CTNND2: variants seen among roughly 807,000 people sequenced by gnomAD.
The protein encoded by CTNND2 is catenin delta 2.
In CTNND2, 22 loss-of-function variants were observed where a neutral mutation model predicts 144.4. The observed-to-expected ratio is 0.15, with a 90% CI of 0.11 to 0.22. The LOEUF (loss-of-function observed/expected upper bound fraction) is 0.22. Among genes scored for constraint, CTNND2 ranks in the 10% least tolerant of loss-of-function variants. CTNND2 has a pLI of 1.00. For missense variants in CTNND2, 1,353 were observed against 1,618.8 expected (o/e 0.84, Z 2.82); for synonymous variants, 751 against 695.6 (o/e 1.08, Z -1.25).
intron 12 of CTNND2, among the ~76,000 whole-genome samples, chr5:11,141,958 G>A (rs1020366165): frequency 3.9e-5 from 6 of 152,158 alleles, no homozygotes; most frequent in African/African-American, 1.4e-4. Flanking sequence ...TATTGCAAGA[G>A]TGAGTTTGTT....
chr5:11,388,427 T>C (rs1759305411), intron 6 of CTNND2, among the ~76,000 whole-genome samples: 1 of 152,214 alleles, frequency 6.6e-6, no homozygotes, highest in African/African-American at 2.4e-5. Context: ...CAGTACATAC[T>C]TAACTTTAAT....
In CTNND2 at chr5:11,732,168, T is replaced by C. The variant is rs1301368896; in HGVS notation, c.142A>G (p.Thr48Ala). The C allele has an allele frequency of 6.2e-7, 1 of 1,613,478 alleles. No homozygotes were observed. The highest frequency in any genetic ancestry group is 8.5e-7 in the Non-Finnish European group (1 of 1,179,740). Reference sequence around the variant, plus strand: ...TTGACTGAGGCGAGGATGGCAGAGGTGGTTTCTGTTTCAGAGCCATCCCCG... The same window carrying C: ...TTGACTGAGGCGAGGATGGCAGAGGCGGTTTCTGTTTCAGAGCCATCCCCG... ...SNGDGSETET[T>A]SAILASVKEQ... The change falls in exon 2 of 22, where the codon ACC becomes GCC. Residue 48 changes from threonine (T) to alanine (A), a missense_variant. Physicochemically the swap from Thr to Ala is moderately conservative, Grantham distance 58. This residue lies in a region of CTNND2 where 708 missense variants were observed against 706.4 expected (regional missense o/e 1.00). Transcript: ENST00000304623.
chr5:11,136,443 A>G (rs750824058), intron 12 of CTNND2, among the ~76,000 whole-genome samples: 11 of 152,276 alleles, frequency 7.2e-5, no homozygotes, highest in Non-Finnish European at 4.4e-5. Context: ...AAAGGCAAGA[A>G]TGAAAAAAGG....
chr5:11,877,729 ATC>A (rs1735671004), intron 1 of CTNND2, among the ~76,000 whole-genome samples: 1 of 152,038 alleles, frequency 6.6e-6, no homozygotes, highest in Non-Finnish European at 1.5e-5. Context: ...CACCATCATC[ATC>A]ATCATCATCA....
At chr5:11,258,767 G>C (rs1291070115) in intron 9 of CTNND2, among the ~76,000 whole-genome samples, 1 of 152,140 alleles carries the variant, frequency 6.6e-6, no homozygotes, top group African/African-American at 2.4e-5. Context: ...ATTATTAACA[G>C]AACTCCTATG....
chr5:11,867,633 C>CCATT (rs58976660), intron 1 of CTNND2, among the ~76,000 whole-genome samples: 21 of 151,588 alleles, frequency 1.4e-4, no homozygotes, highest in Admixed American at 3.3e-4. Context: ...GATACTGAGA[C>CCATT]CATTCATTCA....
chr5:11,300,801 C>A (rs1005794745), intron 9 of CTNND2, among the ~76,000 whole-genome samples: 1 of 152,108 alleles, frequency 6.6e-6, no homozygotes, highest in Non-Finnish European at 1.5e-5. Flanking sequence ...TTGAGCACCC[C>A]CAGCCTCCAC....
Position 11,345,713 on chromosome 5 carries a change from G to T in CTNND2, c.1628+659C>A, listed in dbSNP as rs1754702439. Among the ~76,000 whole-genome samples the T allele has an allele frequency of 2.0e-5, 3 of 151,096 alleles. No individual in the cohort carries two copies. The South Asian group carries it at 6.3e-4, about 32-fold the overall frequency. ...AATAAAACATCCTTTAACTCTACAG[G>T]GACTCAAATCCAACTTTACAAGCAG... On this transcript the variant is annotated intron_variant, in intron 9 of 21. Transcript: ENST00000304623.
In CTNND2 at chr5:11,541,846, C is replaced by G. The variant is rs878994416; in HGVS notation, c.287+23098G>C. ...CTTATTATTTATTATCGACCCCCCC[C>G]CCCCGGCCAAAAGCCTTTTCCAACT... On this transcript the variant is annotated intron_variant, in intron 3 of 21. Transcript: ENST00000304623. 1.9e-3 allele frequency among the ~76,000 whole-genome samples: 280 copies of G among 145,462 alleles called. 7 individuals are homozygous for G. The highest frequency in any genetic ancestry group is 8.2e-3 in the Admixed American group (121 of 14,784).
At chr5:11,300,699 G>A (rs139224153) in intron 9 of CTNND2, among the ~76,000 whole-genome samples, 29 of 151,374 alleles carry the variant, frequency 1.9e-4, no homozygotes, top group African/African-American at 6.3e-4. Context: ...AAATTTACCC[G>A]TTGTTTATCT....
chr5:11,418,454 CTT>C (rs1438166691), intron 3 of CTNND2, among the ~76,000 whole-genome samples: 1 of 152,068 alleles, frequency 6.6e-6, no homozygotes, highest in Non-Finnish European at 1.5e-5. Flanking sequence ...GAAAAGAGCT[CTT>C]GTTAGAGCAA....
chr5:11,521,256 A>G (rs1772691992), intron 3 of CTNND2, among the ~76,000 whole-genome samples: 1 of 152,202 alleles, frequency 6.6e-6, no homozygotes, highest in African/African-American at 2.4e-5. Context: ...AGCGATCACA[A>G]AGTCAAAAAC....
intron 1 of CTNND2, among the ~76,000 whole-genome samples, chr5:11,879,358 C>CATACAT (rs1560959562): frequency 1.9e-5 from 1 of 51,288 alleles, no homozygotes; most frequent in African/African-American, 6.6e-5. Context: ...TATATATATA[C>CATACAT]ATATACACAC....
At chr5:11,383,085 A>G (rs1758682785) in intron 7 of CTNND2, among the ~76,000 whole-genome samples, 1 of 152,164 alleles carries the variant, frequency 6.6e-6, no homozygotes, top group African/African-American at 2.4e-5. Context: ...CTCGATTGCT[A>G]CTGAAATGAT....
At chr5:11,554,808 G>C (rs575992312) in intron 3 of CTNND2, among the ~76,000 whole-genome samples, 291 of 151,810 alleles carry the variant, frequency 1.9e-3, no homozygotes, top group African/African-American at 6.6e-3. Context: ...TTAACAAGTA[G>C]ATATTTTCAT....
At chr5:11,784,833 A>G (rs187756745) in intron 1 of CTNND2, among the ~76,000 whole-genome samples, 3 of 152,350 alleles carry the variant, frequency 2.0e-5, no homozygotes, top group East Asian at 3.9e-4. Context: ...AGATGAGACC[A>G]CAACTAGTCA....
intron 16 of CTNND2, among the ~76,000 whole-genome samples, chr5:11,028,845 A>C (rs1743147900): frequency 6.6e-6 from 1 of 152,138 alleles, no homozygotes; most frequent in Non-Finnish European, 1.5e-5. Flanking sequence ...AGTAGCTGAG[A>C]TTACAGGTAT....
At chr5:11,407,164 T>C (rs1208050822) in intron 5 of CTNND2, among the ~76,000 whole-genome samples, 1 of 152,198 alleles carries the variant, frequency 6.6e-6, no homozygotes, top group East Asian at 1.9e-4. Context: ...AGTCACATTA[T>C]TCATTATGTA....
intron 9 of CTNND2, among the ~76,000 whole-genome samples, chr5:11,262,134 G>T (rs1179275811): frequency 6.6e-6 from 1 of 152,136 alleles, no homozygotes; most frequent in Admixed American, 6.5e-5. Context: ...TTGTTTACGT[G>T]TAAGATCTGA....
Sources: allele counts gnomAD v4.1 joint callset (sites outside exome capture counted in the v4.1 genomes callset), GRCh38; gene constraint gnomAD v4.1.1; regional missense constraint gnomAD v4.1.1; transcripts MANE v1.5; gene names NCBI Gene and HGNC (gene_info 2026-07-23, HGNC 2026-07-21).